Variants in KDM4B observed in about 807,000 individuals in gnomAD.
The protein encoded by KDM4B is lysine demethylase 4B.
A neutral mutation model predicts 125.2 loss-of-function variants in KDM4B; 32 were observed. The ratio of observed to expected loss-of-function variants is 0.26; its 90% CI spans 0.19 to 0.34. The LOEUF (loss-of-function observed/expected upper bound fraction) is 0.34, where lower values mean the gene tolerates loss of function less well. KDM4B is among the 10% of genes least tolerant of loss of function. The probability of loss-of-function intolerance (pLI) is 1.00; values close to 1 mark genes in which losing one functional copy is unlikely to be tolerated. For missense variants in KDM4B, 1,190 were observed against 1,577.7 expected (o/e 0.75, Z 4.16); for synonymous variants, 721 against 677.9 (o/e 1.06, Z -0.99).
chr19:5,057,502 C>T (rs1401552024), intron 6 of KDM4B, among the ~76,000 whole-genome samples: 1 of 152,242 alleles, frequency 6.6e-6, no homozygotes, highest in Non-Finnish European at 1.5e-5. Flanking sequence ...ATCTCTTCAC[C>T]TGCTGCTCAT....
chr19:5,120,672 T>G (rs1332651742), intron 11 of KDM4B, among the ~76,000 whole-genome samples: 1 of 152,216 alleles, frequency 6.6e-6, no homozygotes, highest in African/African-American at 2.4e-5. Context: ...ATTTTGTTTC[T>G]GGTGACTGGG....
chr19:5,014,690 T>G (rs1288675188), intron 1 of KDM4B, among the ~76,000 whole-genome samples: 1 of 152,150 alleles, frequency 6.6e-6, no homozygotes, highest in Non-Finnish European at 1.5e-5. Flanking sequence ...ATTACAGGTG[T>G]GAGCCACTGT....
At chr19:5,111,057 C>T (rs1332665523) in intron 10 of KDM4B, among the ~76,000 whole-genome samples, 4 of 152,290 alleles carry the variant, frequency 2.6e-5, no homozygotes, top group African/African-American at 4.8e-5. Flanking sequence ...TCTGCTCTGG[C>T]GGGCAGCGTC....
At chr19:5,127,618 C>T (rs1421032430) in intron 11 of KDM4B, among the ~76,000 whole-genome samples, 1 of 152,212 alleles carries the variant, frequency 6.6e-6, no homozygotes, top group Non-Finnish European at 1.5e-5. Context: ...TTATGTCCCA[C>T]TTTGTCTCCC....
intron 1 of KDM4B, among the ~76,000 whole-genome samples, chr19:4,969,518 C>A (rs1283981882): frequency 6.7e-6 from 1 of 149,818 alleles, no homozygotes. Context: ...GGGCCGGGGG[C>A]GCGCGGGGGC....
chr19:4,970,885 G>T (rs1400805719), intron 1 of KDM4B, among the ~76,000 whole-genome samples: 1 of 152,140 alleles, frequency 6.6e-6, no homozygotes, highest in Admixed American at 6.5e-5. Flanking sequence ...TGTCTGATTG[G>T]ACACCTGGCA....
intron 9 of KDM4B, among the ~76,000 whole-genome samples, chr19:5,110,107 C>T (rs909473087): frequency 1.2e-4 from 19 of 152,142 alleles, no homozygotes; most frequent in African/African-American, 4.1e-4. Flanking sequence ...GCTCAGTGGC[C>T]GTTCCAACTC....
chr19:5,004,733 G>A (rs554824308), intron 1 of KDM4B, among the ~76,000 whole-genome samples: 26 of 152,250 alleles, frequency 1.7e-4, no homozygotes, highest in Admixed American at 5.2e-4. Context: ...GCAGGAAGGC[G>A]GTTATATTTT....
At chr19:5,071,095 A>C (rs1225460399) in intron 7 of KDM4B, 36 bp downstream of exon 7, 1 of 1,600,938 alleles carries the variant, frequency 6.2e-7, no homozygotes. Flanking sequence ...GGGACCTGGG[A>C]CCAGGTGGGA....
At chr19:5,132,216 C>G (rs1460689477) in intron 13 of KDM4B, among the ~76,000 whole-genome samples, 1 of 152,160 alleles carries the variant, frequency 6.6e-6, no homozygotes, top group Non-Finnish European at 1.5e-5. Context: ...TAGAGATGCT[C>G]GGCTCTGCTC....
chr19:5,124,836 T>C (rs528348797), intron 11 of KDM4B, among the ~76,000 whole-genome samples: 1 of 152,332 alleles, frequency 6.6e-6, no homozygotes, highest in East Asian at 1.9e-4. Context: ...CCTCAGGTGA[T>C]CCACTTGCCT....
chr19:5,100,058 C>G (rs1052602677), intron 9 of KDM4B, among the ~76,000 whole-genome samples: 6 of 152,256 alleles, frequency 3.9e-5, no homozygotes, highest in African/African-American at 1.2e-4. Context: ...TTCAGTGCTG[C>G]TGGCACAAAG....
chr19:5,101,170 C>A (rs1407179831), intron 9 of KDM4B, among the ~76,000 whole-genome samples: 1 of 144,022 alleles, frequency 6.9e-6, no homozygotes, highest in African/African-American at 2.6e-5. Flanking sequence ...TGCAGTGAAC[C>A]GAGGTTGTGC....
At chr19:5,111,432 T>C (rs2145987873) in intron 10 of KDM4B, 1 of 765,268 alleles carries the variant, frequency 1.3e-6, no homozygotes, top group Admixed American at 1.7e-5. Flanking sequence ...GGTGTCCGCC[T>C]GGAGGAGAGG....
chr19:5,014,255 C>G (rs2035820101), intron 1 of KDM4B, among the ~76,000 whole-genome samples: 1 of 152,182 alleles, frequency 6.6e-6, no homozygotes, highest in African/African-American at 2.4e-5. Context: ...CAGGCACATG[C>G]TACCACACCC....
chr19:5,051,890 C>T lies in KDM4B; in HGVS notation c.626+4221C>T, dbSNP rs150782013. 2.2e-3 allele frequency among the ~76,000 whole-genome samples: 332 copies of T among 152,326 alleles called. 1 individual carries two copies. The highest frequency in any genetic ancestry group is 7.6e-3 in the African/African-American group (315 of 41,572). On this transcript the variant is annotated intron_variant, in intron 6 of 22. Coordinates refer to ENST00000159111, the MANE Select transcript of KDM4B (RefSeq NM_015015.3). ...TGGCTGTTTCCTCAGGGGATCGCTC[C>T]GCCCACCCTCTCCTGCCTCTGTTTA...
chr19:5,025,076 GA>G (rs1403910753), intron 2 of KDM4B, among the ~76,000 whole-genome samples: 1 of 152,266 alleles, frequency 6.6e-6, no homozygotes, highest in Non-Finnish European at 1.5e-5. Context: ...AAAATGAGTA[GA>G]GGGGAGAAAG....
chr19:5,123,819 T>C (rs1203449142), intron 11 of KDM4B, among the ~76,000 whole-genome samples: 2 of 151,510 alleles, frequency 1.3e-5, no homozygotes, highest in Non-Finnish European at 2.9e-5. Context: ...TGAGCAGGAG[T>C]CTGTGTTTGA....
chr19:5,117,538 AC>A (rs1441625959), intron 10 of KDM4B, among the ~76,000 whole-genome samples: 1 of 151,968 alleles, frequency 6.6e-6, no homozygotes, highest in Non-Finnish European at 1.5e-5. Flanking sequence ...AGCCAGTTGC[AC>A]CCCAGCGCCG....
Sources: allele counts gnomAD v4.1 joint callset (sites outside exome capture counted in the v4.1 genomes callset), GRCh38; gene constraint gnomAD v4.1.1; transcripts MANE v1.5; gene names NCBI Gene and HGNC (gene_info 2026-07-23, HGNC 2026-07-21).